The following TXNL1 variants were observed in gnomAD, a reference collection of about 807,000 sequenced individuals.
The protein encoded by TXNL1 is thioredoxin-like protein 1.
Under a neutral mutation model 35.5 loss-of-function variants are expected in TXNL1, and 14 were observed. The ratio of observed to expected loss-of-function variants is 0.39; its 90% CI spans 0.26 to 0.62. The LOEUF (loss-of-function observed/expected upper bound fraction) is 0.62. Ranked by LOEUF, TXNL1 falls within the 20% of genes least tolerant of loss-of-function variation. TXNL1 has a pLI of 0.47. For synonymous variants in TXNL1, 110 were observed against 115.5 expected, an observed-to-expected ratio of 0.95 and a Z score of 0.31; for missense variants, 263 against 349.7, an observed-to-expected ratio of 0.75 and a Z score of 1.98.
At position 56,597,286 on chromosome 18, in the gene TXNL1, AGTT is replaced by A. The variant is rs1392037358; in HGVS notation, c.*5738_*5740del. 1 of 152,232 alleles carries A rather than the reference AGTT, an allele frequency of 6.6e-6. No homozygotes were observed. The highest frequency in any genetic ancestry group is 1.5e-5 in the Non-Finnish European group (1 of 68,036). 9.4% of individuals were successfully genotyped at this position (152,232 alleles called of 1,614,324 possible). On this transcript the variant is annotated 3_prime_UTR_variant, in exon 8 of 8. Coordinates refer to ENST00000217515, the MANE Select transcript of TXNL1 (RefSeq NM_004786.3). ...TACAAAATAGTGCCATCCATCTCCA[AGTT>A]TTGCCAAGTGTCATGTAAAACTGTG...
At chr18:56,614,679 C>T (rs2024054936) in intron 5 of TXNL1, 83 bp from the exon 6 acceptor site, 1 of 1,083,076 alleles carries the variant, frequency 9.2e-7, no homozygotes, top group Non-Finnish European at 1.3e-6. Flanking sequence ...ACACTATACA[C>T]AGACACACAC....
chr18:56,612,805 TAATA>T (rs913119271), intron 6 of TXNL1, among the ~76,000 whole-genome samples: 2 of 152,238 alleles, frequency 1.3e-5, no homozygotes, highest in Non-Finnish European at 2.9e-5. Context: ...ATACTAAGTT[TAATA>T]TAACAATTTT....
intron 1 of TXNL1, among the ~76,000 whole-genome samples, chr18:56,631,992 T>G (rs1420751569): frequency 6.6e-6 from 1 of 150,674 alleles, no homozygotes; most frequent in Non-Finnish European, 1.5e-5. Context: ...AATTAACCAG[T>G]AAGTAAGAAG....
intron 7 of TXNL1, chr18:56,610,158 T>C (rs764890657): frequency 1.3e-5 from 2 of 152,236 alleles, no homozygotes; most frequent in Non-Finnish European, 2.9e-5. Flanking sequence ...AGTTCTAGAC[T>C]GCCTGCCAGA....
chr18:56,628,192 T>C (rs987147872), intron 1 of TXNL1, among the ~76,000 whole-genome samples: 1 of 152,084 alleles, frequency 6.6e-6, no homozygotes, highest in Admixed American at 6.6e-5. Flanking sequence ...TAAAACCAAC[T>C]CAGCAAAAAT....
At chr18:56,629,874 T>C (rs1392508795) in intron 1 of TXNL1, among the ~76,000 whole-genome samples, 2 of 152,106 alleles carry the variant, frequency 1.3e-5, no homozygotes, top group Non-Finnish European at 2.9e-5. Flanking sequence ...TTGAAACCCA[T>C]GCAATTTTGT....
intron 3 of TXNL1, among the ~76,000 whole-genome samples, chr18:56,622,270 A>ACT (rs2024201178): frequency 6.6e-6 from 1 of 152,160 alleles, no homozygotes; most frequent in African/African-American, 2.4e-5. Flanking sequence ...AAGGCAGAGA[A>ACT]AAGTTTCTAG....
At chr18:56,626,176 A>T (rs1030368647) in intron 2 of TXNL1, 185 bp downstream of exon 2, 4 of 1,314,232 alleles carry the variant, frequency 3.0e-6, no homozygotes, top group Admixed American at 3.4e-5. Flanking sequence ...AGCAATTAAT[A>T]ATGTGCTACT....
Position 56,597,916 on chromosome 18 carries a change from C to G in TXNL1, c.*5111G>C, listed in dbSNP as rs2023763683. The G allele has an allele frequency of 6.6e-6, 1 of 152,228 alleles. No homozygotes were observed. The highest frequency in any genetic ancestry group is 6.5e-5 in the Admixed American group (1 of 15,276). The allele number at this position is 152,228 out of a possible 1,614,324, so 9.4% of individuals were successfully genotyped here. On this transcript the variant is annotated 3_prime_UTR_variant, in exon 8 of 8. Coordinates refer to ENST00000217515, the MANE Select transcript of TXNL1 (RefSeq NM_004786.3). ...TATATTCAATTGTAAAAGTGAGAAC[C>G]TTGTGAGACATCACAGACTTCTCTA...
chr18:56,603,861 T>C (rs891240092), intron 7 of TXNL1, among the ~76,000 whole-genome samples: 5 of 152,186 alleles, frequency 3.3e-5, no homozygotes, highest in African/African-American at 1.2e-4. Flanking sequence ...ACTTGCAAAA[T>C]ACTGAATGTA....
At chr18:56,616,980 C>T (rs1040692937) in intron 4 of TXNL1, among the ~76,000 whole-genome samples, 2 of 152,216 alleles carry the variant, frequency 1.3e-5, no homozygotes, top group African/African-American at 4.8e-5. Flanking sequence ...ACCTATGCAT[C>T]TACCCTGGGA....
chr18:56,597,781 T>C lies in TXNL1; in HGVS notation c.*5246A>G, dbSNP rs1430792731. ...CTCTAAAATCACATTCCTGGCTTTT[T>C]ACTTACTAGACATCGCCACCCAAAT... On this transcript the variant is annotated 3_prime_UTR_variant, in exon 8 of 8. Transcript: ENST00000217515. The C allele has an allele frequency of 6.6e-6, 1 of 152,236 alleles. No homozygotes were observed. The highest frequency in any genetic ancestry group is 2.4e-5 in the African/African-American group (1 of 41,456). The allele number at this position is 152,236 out of a possible 1,614,324, so 9.4% of individuals were successfully genotyped here.
Position 56,618,187 on chromosome 18 carries a change from A to G in TXNL1, c.370-61T>C. The G allele has an allele frequency of 4.6e-6, 7 of 1,532,412 alleles. No homozygotes were observed. The South Asian group carries it at 7.1e-5, about 16-fold the overall frequency. The allele number at this position is 1,532,412 out of a possible 1,614,324, so 94.9% of individuals were successfully genotyped here. On this transcript the variant is annotated intron_variant, in intron 3 of 7. Transcript: ENST00000217515. ...TGGATTAGGTATAAAAATGTTTAAA[A>G]AATTTAAATCTCTGATTCTCTTTAG...
intron 3 of TXNL1, among the ~76,000 whole-genome samples, chr18:56,623,446 T>A: frequency 1.3e-5 from 2 of 148,906 alleles, no homozygotes; most frequent in South Asian, 2.1e-4. Context: ...AAAAAAAAGA[T>A]ATTAACTTTA....
At chr18:56,638,223 G>A (rs542288475) in intron 1 of TXNL1, 120 bp downstream of exon 1, 3 of 1,026,364 alleles carry the variant, frequency 2.9e-6, no homozygotes, top group Non-Finnish European at 4.2e-6. Context: ...AGCTCCTGGG[G>A]CTGCGGCGAC....
Position 56,616,342 on chromosome 18 carries a change from G to A in TXNL1, c.493-28C>T, listed in dbSNP as rs765233122. ...GTGAAGATAAGAGTTTCATTTTAAA[G>A]GGCTCTTGTACACACCTTGAGTACA... is the stretch of plus-strand genomic sequence containing the variant. On this transcript the variant is annotated intron_variant, in intron 4 of 7. Transcript: ENST00000217515. The A allele has an allele frequency of 9.4e-6, 15 of 1,603,140 alleles. No individual in the cohort carries two copies. The East Asian group carries it at 2.2e-4, about 24-fold the overall frequency.
intron 1 of TXNL1, among the ~76,000 whole-genome samples, chr18:56,637,024 T>C (rs1334536995): frequency 6.6e-6 from 1 of 152,194 alleles, no homozygotes; most frequent in Non-Finnish European, 1.5e-5. Flanking sequence ...ATGACATCAC[T>C]TATCCTTTTA....
At position 56,630,304 on chromosome 18, in the gene TXNL1, A is replaced by G. The variant is rs182081012; in HGVS notation, c.99-3847T>C. Among the ~76,000 whole-genome samples the G allele has an allele frequency of 2.8e-4, 42 of 152,338 alleles. No individual in the cohort carries two copies. In the East Asian group the frequency reaches 7.5e-3, roughly 27 times the overall value. ...CGACCTTGGGGAATATTTGAAAAGA[A>G]CAAAATCAACTGGAAATGATGCTTA... On this transcript the variant is annotated intron_variant, in intron 1 of 7. Coordinates refer to ENST00000217515, the MANE Select transcript of TXNL1 (RefSeq NM_004786.3).
At chr18:56,615,121 G>A (rs1018013231) in intron 5 of TXNL1, among the ~76,000 whole-genome samples, 2 of 152,096 alleles carry the variant, frequency 1.3e-5, no homozygotes, top group African/African-American at 4.8e-5. Context: ...TCATTTTAGG[G>A]ATTAGATTAG....
Sources: gnomAD v4.1 joint callset for allele counts (sites outside exome capture counted in the v4.1 genomes callset) on GRCh38, gnomAD v4.1.1 for gene constraint, MANE v1.5 for transcripts, NCBI Gene and HGNC (gene_info 2026-07-23, HGNC 2026-07-21) for gene names.